DOK5: variants seen among roughly 807,000 people sequenced by gnomAD.
DOK5 encodes the protein docking protein 5, also known as downstream of tyrosine kinase 5.
A neutral mutation model predicts 43.3 loss-of-function variants in DOK5; 27 were observed. The ratio of observed to expected loss-of-function variants is 0.62; its 90% confidence interval spans 0.46 to 0.86. DOK5 has a LOEUF of 0.86. Among genes scored for constraint, DOK5 ranks in the 40% least tolerant of loss-of-function variants. The probability of loss-of-function intolerance (pLI) is 0.00; values close to 1 mark genes in which losing one functional copy is unlikely to be tolerated. For synonymous variants in DOK5, 146 were observed against 140.1 expected, an observed-to-expected ratio of 1.04 and a Z score of -0.30; for missense variants, 373 against 392.9, an observed-to-expected ratio of 0.95 and a Z score of 0.43.
intron 1 of DOK5, among the ~76,000 whole-genome samples, chr20:54,479,233 GC>G (rs1389571807): frequency 3.9e-5 from 6 of 152,060 alleles, no homozygotes. Context: ...ACATCAAAAA[GC>G]TTAATGAAAT....
intron 7 of DOK5, among the ~76,000 whole-genome samples, chr20:54,647,961 A>G (rs1228613563): frequency 6.6e-6 from 1 of 152,192 alleles, no homozygotes; most frequent in Non-Finnish European, 1.5e-5. Context: ...GCCATATTCA[A>G]TGGGGTCTTT....
intron 1 of DOK5, among the ~76,000 whole-genome samples, chr20:54,485,680 G>A (rs911553079): frequency 2.0e-5 from 3 of 152,344 alleles, no homozygotes; most frequent in Admixed American, 2.0e-4. Context: ...ATGTCCAGGA[G>A]TGCAATTGCT....
intron 2 of DOK5, among the ~76,000 whole-genome samples, chr20:54,573,249 C>G (rs995064058): frequency 6.6e-6 from 1 of 152,052 alleles, no homozygotes. Flanking sequence ...AATGGCGTAG[C>G]TAGAGGAAGT....
Position 54,650,446 on chromosome 20 carries a change from A to T in DOK5, c.888A>T (p.Thr296=). ...DVSSPLKLHR[T]ETFPAYRSEH The stretch of plus-strand genomic sequence containing the variant: ...CCAGCCCTCTGAAGCTTCATCGAAC[A>T]GAGACTTTTCCAGCCTACAGATCTG... Residue 296 remains threonine (T), a synonymous_variant, in exon 8 of 8, where the codon ACA becomes ACT. Coordinates refer to ENST00000262593, the MANE Select transcript of DOK5 (RefSeq NM_018431.5). 1.2e-6 allele frequency: 2 copies of T among 1,614,136 alleles called. No homozygotes were observed. The highest frequency in any genetic ancestry group is 1.7e-6 in the Non-Finnish European group (2 of 1,180,020).
In DOK5 at chr20:54,475,978, A is replaced by G; in HGVS notation, c.32A>G (p.Gln11Arg). The G allele has an allele frequency of 2.5e-6, 4 of 1,613,516 alleles. No homozygotes were observed. The highest frequency in any genetic ancestry group is 3.4e-6 in the Non-Finnish European group (4 of 1,179,934). The stretch of plus-strand genomic sequence containing the variant: ...TCCAATTTTAATGACATAGTGAAGC[A>G]AGGGTACGTGAGGATCCGGAGCAGA... The part of the protein sequence containing the change: MASNFNDIVK[Q>R]GYVRIRSRRL... The change falls in exon 1 of 8, where the codon CAA becomes CGA. Residue 11 changes from glutamine to arginine, a missense_variant. Gln to Arg is a conservative substitution (Grantham distance 43, BLOSUM62 1). Coordinates refer to ENST00000262593, the MANE Select transcript of DOK5 (RefSeq NM_018431.5). The surrounding 1 kb of genome is among the most constrained non-coding windows in gnomAD (Gnocchi z 4.2).
At chr20:54,550,662 G>GT (rs921936035) in intron 1 of DOK5, among the ~76,000 whole-genome samples, 44 of 152,192 alleles carry the variant, frequency 2.9e-4, no homozygotes, top group African/African-American at 9.6e-4. Context: ...AGATTTGGCT[G>GT]TTTTTTTCAC....
At chr20:54,549,372 T>C (rs2146723308) in intron 1 of DOK5, among the ~76,000 whole-genome samples, 1 of 152,342 alleles carries the variant, frequency 6.6e-6, no homozygotes, top group East Asian at 1.9e-4. Context: ...CACACATTGC[T>C]CTCAACTTTG....
intron 1 of DOK5, among the ~76,000 whole-genome samples, chr20:54,491,362 A>G (rs1982168564): frequency 6.6e-6 from 1 of 152,246 alleles, no homozygotes; most frequent in Non-Finnish European, 1.5e-5. Flanking sequence ...AAGTCACCCT[A>G]GCATAGAATA....
chr20:54,576,051 AAG>A (rs1204193064), intron 2 of DOK5, among the ~76,000 whole-genome samples: 1 of 152,216 alleles, frequency 6.6e-6, no homozygotes, highest in Admixed American at 6.5e-5. Context: ...GCAGAAAACA[AAG>A]AATACCTTTT....
intron 1 of DOK5, among the ~76,000 whole-genome samples, chr20:54,505,121 G>A (rs534951529): frequency 7.2e-5 from 11 of 152,042 alleles, no homozygotes; most frequent in Admixed American, 6.6e-5. Context: ...TTTACCAGTG[G>A]TTTGACCTTG....
intron 1 of DOK5, among the ~76,000 whole-genome samples, chr20:54,535,036 C>T (rs1600686241): frequency 6.6e-6 from 1 of 151,836 alleles, no homozygotes; most frequent in South Asian, 2.1e-4. Flanking sequence ...GTTTCACCAT[C>T]TTGGCCAGGC....
intron 2 of DOK5, among the ~76,000 whole-genome samples, chr20:54,560,424 G>T (rs1448917383): frequency 6.6e-6 from 1 of 152,092 alleles, no homozygotes; most frequent in African/African-American, 2.4e-5. Context: ...TTTTTCCCAG[G>T]TGATAAATAA....
At chr20:54,490,023 G>A (rs1982104333) in intron 1 of DOK5, among the ~76,000 whole-genome samples, 1 of 152,198 alleles carries the variant, frequency 6.6e-6, no homozygotes, top group Non-Finnish European at 1.5e-5. Context: ...GGACTCATTT[G>A]TGTATAGATT....
chr20:54,548,724 C>T (rs377490815), intron 1 of DOK5, among the ~76,000 whole-genome samples: 150 of 152,210 alleles, frequency 9.9e-4, no homozygotes, highest in African/African-American at 3.5e-3. Context: ...TTAAAAACTG[C>T]CCTAAACTCT....
intron 2 of DOK5, among the ~76,000 whole-genome samples, chr20:54,565,743 T>C (rs1985071164): frequency 6.6e-6 from 1 of 151,962 alleles, no homozygotes; most frequent in South Asian, 2.1e-4. Flanking sequence ...CTGAACATGG[T>C]CGGGCGCAGT....
intron 1 of DOK5, among the ~76,000 whole-genome samples, chr20:54,478,739 G>T (rs1161276700): frequency 6.6e-6 from 1 of 152,158 alleles, no homozygotes; most frequent in Non-Finnish European, 1.5e-5. Flanking sequence ...TTCCTAGTCT[G>T]TACAATGAAC....
intron 1 of DOK5, among the ~76,000 whole-genome samples, chr20:54,524,205 G>A (rs912556843): frequency 1.3e-5 from 2 of 152,146 alleles, no homozygotes; most frequent in African/African-American, 4.8e-5. Flanking sequence ...TCTGGGATTG[G>A]AGAAACAGAA....
intron 1 of DOK5, among the ~76,000 whole-genome samples, chr20:54,540,774 G>A (rs1024816404): frequency 1.3e-5 from 2 of 152,034 alleles, no homozygotes; most frequent in Non-Finnish European, 2.9e-5. Flanking sequence ...TTCTTCCACA[G>A]TGGCCTCCCA....
chr20:54,477,912 C>T (rs1264212258), intron 1 of DOK5, among the ~76,000 whole-genome samples: 14 of 152,174 alleles, frequency 9.2e-5, no homozygotes, highest in Admixed American at 9.2e-4. Flanking sequence ...ACAATTGACA[C>T]AACATAGCCC....
Sources: allele counts gnomAD v4.1 joint callset (sites outside exome capture counted in the v4.1 genomes callset), GRCh38; gene constraint gnomAD v4.1.1; non-coding constraint Gnocchi (gnomAD v3.1); transcripts MANE v1.5; gene names NCBI Gene and HGNC (gene_info 2026-07-23, HGNC 2026-07-21).